FAM149A: variants seen among roughly 807,000 people sequenced by gnomAD.
FAM149A encodes the protein protein FAM149A.
Under a neutral mutation model 78.2 loss-of-function variants are expected in FAM149A, and 71 were observed. That is an observed-to-expected ratio of 0.91 (90% CI 0.75 to 1.11). The LOEUF (loss-of-function observed/expected upper bound fraction) is 1.11, where lower values mean the gene tolerates loss of function less well. FAM149A is among the 50% of genes least tolerant of loss of function. The pLI, the probability that FAM149A is intolerant of heterozygous loss-of-function variation, is 0.00. For synonymous variants in FAM149A, 446 were observed against 410.5 expected (o/e 1.09, Z -1.04); for missense variants, 1,036 against 971.0 (o/e 1.07, Z -0.89).
intron 8 of FAM149A, among the ~76,000 whole-genome samples, chr4:186,159,560 T>C (rs1044083725): frequency 6.6e-6 from 1 of 152,138 alleles, no homozygotes; most frequent in Non-Finnish European, 1.5e-5. Context: ...TCTGGATATG[T>C]TGTTTAGCTT....
At chr4:186,126,844 G>T (rs1202861303) in intron 1 of FAM149A, 3 of 972,308 alleles carry the variant, frequency 3.1e-6, no homozygotes, top group African/African-American at 3.5e-5. Flanking sequence ...TATCTTATTG[G>T]TTCTGTTTCT....
intron 8 of FAM149A, 35 bp from the exon 9 acceptor site, chr4:186,162,810 C>CT (rs56973296): frequency 0.12 from 68,684 of 556,352 alleles, 6,552 homozygotes; most frequent in African/African-American, 0.31. Context: ...ATTTGTAATT[C>CT]TTTTTTTTTT....
intron 1 of FAM149A, chr4:186,116,592 TA>T (rs1579780718): frequency 5.2e-5 from 46 of 888,096 alleles, no homozygotes; most frequent in Middle Eastern, 6.0e-4. Flanking sequence ...TTGTTATATT[TA>T]AATTTTTTTT....
chr4:186,147,380 T>C (rs1733137040), intron 1 of FAM149A, among the ~76,000 whole-genome samples: 1 of 152,202 alleles, frequency 6.6e-6, no homozygotes, highest in Non-Finnish European at 1.5e-5. Context: ...CAAGACCCTG[T>C]GTCAAGTAAT....
At position 186,172,645 on chromosome 4, in the gene FAM149A, T is replaced by G. The variant is rs1371092745; in HGVS notation, c.*658T>G. ...CATTTATTGATCTTAGGGTTGAATA[T>G]AAACGCAATTAAAAGCTATGGCAGG... is the stretch of plus-strand genomic sequence containing the variant. On this transcript the variant is annotated 3_prime_UTR_variant, in exon 14 of 14. Coordinates refer to ENST00000389354, the MANE Select transcript of FAM149A (RefSeq NM_001367768.3). 2 of 112,302 alleles carry G rather than the reference T, an allele frequency of 1.8e-5. 1 individual carries two copies. Among genetic ancestry groups the G allele is most frequent in the East Asian group, 4.4e-4 (2 of 4,530 alleles). 7.0% of individuals were successfully genotyped at this position (112,302 alleles called of 1,614,324 possible).
At chr4:186,168,674 C>T (rs112168342) in intron 13 of FAM149A, among the ~76,000 whole-genome samples, 3,060 of 152,272 alleles carry the variant, frequency 0.02, 92 homozygotes, top group African/African-American at 0.07. Context: ...GCTTGTAACA[C>T]GATTGTAGGT....
At chr4:186,167,894 C>T (rs1735197008) in intron 13 of FAM149A, among the ~76,000 whole-genome samples, 1 of 152,000 alleles carries the variant, frequency 6.6e-6, no homozygotes, top group Non-Finnish European at 1.5e-5. Context: ...CCTCTCTGGC[C>T]CTCAGCTTCC....
chr4:186,124,274 T>G, intron 1 of FAM149A: 2 of 967,894 alleles, frequency 2.1e-6, no homozygotes, highest in Non-Finnish European at 2.5e-6. Flanking sequence ...TCTTTTTTTT[T>G]TATTATACTT....
chr4:186,106,433 T>G (rs905371180), intron 1 of FAM149A, among the ~76,000 whole-genome samples: 3 of 152,202 alleles, frequency 2.0e-5, no homozygotes, highest in African/African-American at 7.2e-5. Flanking sequence ...TAGCTATTCT[T>G]GAGTGGGTAA....
chr4:186,154,463 C>A lies in FAM149A; in HGVS notation c.1059-5C>A. 6.2e-7 allele frequency: 1 copy of A among 1,603,764 alleles called. No individual in the cohort carries two copies. On this transcript the variant is annotated splice_polypyrimidine_tract_variant and splice_region_variant and intron_variant, in intron 5 of 13. Coordinates refer to ENST00000389354, the MANE Select transcript of FAM149A (RefSeq NM_001367768.3). ...TCCCATGTAGAATCTGTTTTTTTCC[C>A]ATAGGTTGTGCATTTCTGGCTCTCA...
At chr4:186,153,403 T>C in intron 4 of FAM149A, 1 of 984,884 alleles carries the variant, frequency 1.0e-6, no homozygotes, top group Non-Finnish European at 1.2e-6. Flanking sequence ...TATCCTGTTT[T>C]GCAAATGAAA....
At chr4:186,152,080 G>T (rs753475001) in intron 4 of FAM149A, 35 bp downstream of exon 4, 3 of 1,610,296 alleles carry the variant, frequency 1.9e-6, no homozygotes, top group Non-Finnish European at 8.5e-7. Flanking sequence ...TCTGGGGTGG[G>T]TTTTCCAAGC....
chr4:186,148,080 A>G (rs1299713969), intron 1 of FAM149A, among the ~76,000 whole-genome samples: 1 of 152,040 alleles, frequency 6.6e-6, no homozygotes, highest in Non-Finnish European at 1.5e-5. Flanking sequence ...TAATCCCAGC[A>G]CTTTGGGAGG....
Position 186,153,669 on chromosome 4 carries a change from G to A in FAM149A, c.957G>A (p.Leu319=). The change falls in exon 5 of 14, where the codon CTG becomes CTA. Residue 319 remains leucine (L), a synonymous_variant. Transcript: ENST00000389354. Reference sequence around the variant, plus strand: ...GAGTATTAGGAAGACAGCTGATCCTGCCCACTGACAAAGGCGTCCAGCATT... The same window carrying A: ...GAGTATTAGGAAGACAGCTGATCCTACCCACTGACAAAGGCGTCCAGCATT... The A allele has an allele frequency of 3.1e-6, 5 of 1,614,092 alleles. No individual in the cohort carries two copies. Among genetic ancestry groups the A allele is most frequent in the Non-Finnish European group, 4.2e-6 (5 of 1,179,928 alleles).
intron 1 of FAM149A, chr4:186,125,938 G>C: frequency 1.0e-6 from 1 of 985,358 alleles, no homozygotes; most frequent in South Asian, 4.7e-5. Flanking sequence ...AAGAGCGCGA[G>C]GTAACAGCCT....
intron 1 of FAM149A, among the ~76,000 whole-genome samples, 180 bp downstream of exon 1, chr4:186,105,822 T>C (rs1037461568): frequency 2.0e-5 from 3 of 152,248 alleles, no homozygotes; most frequent in African/African-American, 7.2e-5. Context: ...TTTGCGGGCT[T>C]TCAGACATAA....
intron 1 of FAM149A, among the ~76,000 whole-genome samples, chr4:186,139,820 C>CA (rs1350443129): frequency 6.6e-6 from 1 of 152,086 alleles, no homozygotes; most frequent in Non-Finnish European, 1.5e-5. Context: ...TTTGTATTTG[C>CA]AAAGCAAGGC....
At chr4:186,117,607 C>T in intron 1 of FAM149A, 3 of 985,384 alleles carry the variant, frequency 3.0e-6, no homozygotes, top group Non-Finnish European at 3.6e-6. Flanking sequence ...AGGCCCAGAG[C>T]CACATGGCGT....
chr4:186,166,522 G>A (rs1579933434), intron 11 of FAM149A, among the ~76,000 whole-genome samples: 5 of 151,902 alleles, frequency 3.3e-5, no homozygotes, highest in Admixed American at 2.6e-4. Flanking sequence ...GTGGTGGCAC[G>A]TGCCTGTAAT....
Sources: allele counts gnomAD v4.1 joint callset (sites outside exome capture counted in the v4.1 genomes callset), GRCh38; gene constraint gnomAD v4.1.1; transcripts MANE v1.5; gene names NCBI Gene and HGNC (gene_info 2026-07-23, HGNC 2026-07-21).